The following GRID2 variants were observed in gnomAD, a reference collection of about 807,000 sequenced individuals.
GRID2 encodes glutamate ionotropic receptor delta type subunit 2, also known as glutamate receptor ionotropic, delta-2.
GRID2 carries 33 observed loss-of-function variants against 114.8 expected under a neutral mutation model. The observed-to-expected ratio is 0.29, with a 90% CI of 0.22 to 0.38. The LOEUF (loss-of-function observed/expected upper bound fraction) is 0.38. Ranked by LOEUF, GRID2 falls within the 10% of genes least tolerant of loss-of-function variation. GRID2 has a pLI of 1.00. For missense variants in GRID2, 1,184 were observed against 1,257.7 expected (o/e 0.94, Z 0.89); for synonymous variants, 505 against 449.9 (o/e 1.12, Z -1.55).
At chr4:92,916,683 T>G (rs946580525) in intron 2 of GRID2, among the ~76,000 whole-genome samples, 7 of 152,134 alleles carry the variant, frequency 4.6e-5, no homozygotes, top group Non-Finnish European at 8.8e-5. Flanking sequence ...CTACAAAGGA[T>G]ATGAACTCGT....
At chr4:92,954,990 C>T (rs1341912584) in intron 2 of GRID2, among the ~76,000 whole-genome samples, 1 of 114,042 alleles carries the variant, frequency 8.8e-6, no homozygotes, top group African/African-American at 3.8e-5. Context: ...GTATATGTGC[C>T]ACATTTTCTT....
chr4:93,593,262 T>C (rs1175778671), intron 13 of GRID2, among the ~76,000 whole-genome samples: 1 of 146,470 alleles, frequency 6.8e-6, no homozygotes, highest in East Asian at 1.9e-4. Flanking sequence ...GGTGACAAAA[T>C]CTTTCAGCAT....
At chr4:92,691,941 C>A (rs1301584041) in intron 2 of GRID2, among the ~76,000 whole-genome samples, 2 of 151,826 alleles carry the variant, frequency 1.3e-5, no homozygotes, top group African/African-American at 4.9e-5. Flanking sequence ...AATACTGATT[C>A]TCTGTTTTAA....
chr4:93,339,199 TGTCTCCTCCAAAAAAGATATCTTGAA>T (rs1189452185), intron 8 of GRID2, among the ~76,000 whole-genome samples: 1 of 152,184 alleles, frequency 6.6e-6, no homozygotes, highest in East Asian at 1.9e-4. Flanking sequence ...GGTTGAATTG[TGTCTCCTCCAAAAAAGATATCTTGAA>T]GTCCTAACAA....
intron 2 of GRID2, among the ~76,000 whole-genome samples, chr4:92,815,938 A>G (rs1740877205): frequency 1.7e-5 from 2 of 119,076 alleles, no homozygotes; most frequent in South Asian, 5.2e-4. Context: ...AAAAAAAAAA[A>G]GGAAAGAAAA....
chr4:92,443,198 G>A (rs1220197186), intron 1 of GRID2, among the ~76,000 whole-genome samples: 1 of 152,156 alleles, frequency 6.6e-6, no homozygotes, highest in African/African-American at 2.4e-5. Flanking sequence ...TGGACGTCAG[G>A]CACCTCAGAC....
chr4:93,371,529 T>G (rs1248480451), intron 8 of GRID2, among the ~76,000 whole-genome samples: 1 of 152,120 alleles, frequency 6.6e-6, no homozygotes, highest in African/African-American at 2.4e-5. Context: ...CTAACTGGCC[T>G]TCGTTGGACC....
chr4:92,567,950 A>G (rs941120266), intron 1 of GRID2, among the ~76,000 whole-genome samples: 28 of 152,148 alleles, frequency 1.8e-4, no homozygotes, highest in South Asian at 8.3e-4. Context: ...AACAAGAGAT[A>G]TATAGTTAAG....
At chr4:92,918,378 C>G (rs534463348) in intron 2 of GRID2, among the ~76,000 whole-genome samples, 16 of 152,286 alleles carry the variant, frequency 1.1e-4, no homozygotes, top group African/African-American at 3.8e-4. Flanking sequence ...GCCAGAACTT[C>G]CAACACTATG....
intron 8 of GRID2, among the ~76,000 whole-genome samples, chr4:93,297,372 C>CAT (rs1249093545): frequency 1.3e-5 from 2 of 151,940 alleles, no homozygotes; most frequent in Non-Finnish European, 2.9e-5. Flanking sequence ...TTTTAACTGG[C>CAT]ATATATATAT....
chr4:92,870,155 C>T (rs748088537), intron 2 of GRID2, among the ~76,000 whole-genome samples: 3 of 151,776 alleles, frequency 2.0e-5, no homozygotes, highest in Non-Finnish European at 4.4e-5. Context: ...GAGCTGTGAT[C>T]GTGCCACTCT....
chr4:92,960,724 A>T (rs1673758312), intron 2 of GRID2, among the ~76,000 whole-genome samples: 1 of 151,948 alleles, frequency 6.6e-6, no homozygotes, highest in African/African-American at 2.4e-5. Flanking sequence ...TTATACCATG[A>T]TGTTTAAAAT....
intron 2 of GRID2, among the ~76,000 whole-genome samples, chr4:92,836,203 A>G (rs1354510887): frequency 6.6e-6 from 1 of 152,156 alleles, no homozygotes; most frequent in Non-Finnish European, 1.5e-5. Flanking sequence ...TAAACTATTT[A>G]CAATCTTGTC....
At chr4:92,406,892 C>A (rs559495955) in intron 1 of GRID2, among the ~76,000 whole-genome samples, 4 of 151,860 alleles carry the variant, frequency 2.6e-5, no homozygotes, top group Non-Finnish European at 5.9e-5. Flanking sequence ...TTTGTTCTTT[C>A]TTACGGCTGC....
At chr4:92,755,550 G>T (rs920368475) in intron 2 of GRID2, among the ~76,000 whole-genome samples, 6 of 152,054 alleles carry the variant, frequency 3.9e-5, no homozygotes, top group Non-Finnish European at 7.4e-5. Flanking sequence ...TTAAGCGAGG[G>T]AGCCCACCAT....
chr4:93,359,430 C>G (rs1285520761), intron 8 of GRID2, among the ~76,000 whole-genome samples: 1 of 151,816 alleles, frequency 6.6e-6, no homozygotes, highest in Non-Finnish European at 1.5e-5. Context: ...GAGCTACAAA[C>G]AATCCAATCA....
At chr4:92,415,309 TTTTG>T (rs1192413907) in intron 1 of GRID2, among the ~76,000 whole-genome samples, 1 of 151,922 alleles carries the variant, frequency 6.6e-6, no homozygotes, top group Non-Finnish European at 1.5e-5. Flanking sequence ...ATTTTTAAAA[TTTTG>T]TTTATTTTTA....
In GRID2 at chr4:92,862,225, C is replaced by G. The variant is rs531822525; in HGVS notation, c.245-222770C>G. 3.3e-5 allele frequency among the ~76,000 whole-genome samples: 5 copies of G among 152,078 alleles called. No homozygotes were observed. In the East Asian group the frequency reaches 9.7e-4, roughly 29 times the overall value. ...AACAAAGCTATCTGTAATTTTCACT[C>G]TAATTTCATAGTACATTTACCTCAT... On this transcript the variant is annotated intron_variant, in intron 2 of 15. Transcript: ENST00000282020.
At chr4:93,184,622 G>A (rs1740223842) in intron 4 of GRID2, among the ~76,000 whole-genome samples, 2 of 151,450 alleles carry the variant, frequency 1.3e-5, no homozygotes, top group Non-Finnish European at 2.9e-5. Flanking sequence ...AGTGGCTCAC[G>A]CCTGTAATCC....
Sources: gnomAD v4.1 joint callset for allele counts (sites outside exome capture counted in the v4.1 genomes callset) on GRCh38, gnomAD v4.1.1 for gene constraint, MANE v1.5 for transcripts, NCBI Gene and HGNC (gene_info 2026-07-23, HGNC 2026-07-21) for gene names.